Variants in XKR4 observed in about 807,000 individuals in gnomAD.
The protein encoded by XKR4 is XK-related protein 4.
Under a neutral mutation model 53.9 loss-of-function variants are expected in XKR4, and 12 were observed. The observed-to-expected ratio is 0.22, with a 90% CI of 0.14 to 0.36. The LOEUF (loss-of-function observed/expected upper bound fraction) is 0.36. XKR4 is among the 10% of genes least tolerant of loss of function. The pLI is 1.00. For synonymous variants in XKR4, 354 were observed against 362.4 expected (o/e 0.98, Z 0.26); for missense variants, 799 against 859.5 (o/e 0.93, Z 0.88).
intron 1 of XKR4, among the ~76,000 whole-genome samples, chr8:55,178,962 T>C (rs925898219): frequency 6.6e-6 from 1 of 152,158 alleles, no homozygotes; most frequent in South Asian, 2.1e-4. Context: ...TGGTGGGGTA[T>C]GGCATAGTTA....
chr8:55,144,466 C>A (rs765265997), intron 1 of XKR4, among the ~76,000 whole-genome samples: 17 of 152,080 alleles, frequency 1.1e-4, no homozygotes, highest in Non-Finnish European at 1.8e-4. Flanking sequence ...TTAAAGAGAG[C>A]CGTCTGCAGC....
At chr8:55,462,298 G>A (rs1029917689) in intron 2 of XKR4, among the ~76,000 whole-genome samples, 2 of 152,224 alleles carry the variant, frequency 1.3e-5, no homozygotes, top group African/African-American at 4.8e-5. Flanking sequence ...CTACAAACCA[G>A]AAGAGAGTGG....
intron 2 of XKR4, among the ~76,000 whole-genome samples, chr8:55,455,983 TCAA>T (rs1032187338): frequency 6.6e-6 from 1 of 152,194 alleles, no homozygotes; most frequent in Admixed American, 6.6e-5. Context: ...AATTACTTAA[TCAA>T]CAACAACATC....
chr8:55,396,668 G>A lies in XKR4; in HGVS notation c.1006+38791G>A, dbSNP rs552443383. Among the ~76,000 whole-genome samples, 15 of 152,202 alleles carry A rather than the reference G, an allele frequency of 9.9e-5. No homozygotes were observed. The South Asian group carries it at 1.2e-3, about 13-fold the overall frequency. On this transcript the variant is annotated intron_variant, in intron 2 of 2. Coordinates refer to ENST00000327381, the MANE Select transcript of XKR4 (RefSeq NM_052898.2). ...TGACTTTAGGACAGGGAGGTAAAGC[G>A]GAACTGGAAATATTTGTGTGGTGAT...
intron 1 of XKR4, among the ~76,000 whole-genome samples, chr8:55,341,840 C>G (rs114570086): frequency 1.7e-3 from 254 of 151,992 alleles, no homozygotes; most frequent in African/African-American, 5.9e-3. Flanking sequence ...AAGCATGGTG[C>G]CTTTTGAAGT....
At chr8:55,479,194 A>T (rs80177029) in intron 2 of XKR4, among the ~76,000 whole-genome samples, 62,430 of 151,866 alleles carry the variant, frequency 0.41, 13,452 homozygotes, top group East Asian at 0.54. Flanking sequence ...ATTATAACAA[A>T]CTGTCTCTCA....
chr8:55,481,364 T>A (rs1476369910), intron 2 of XKR4, among the ~76,000 whole-genome samples: 1 of 151,834 alleles, frequency 6.6e-6, no homozygotes, highest in Admixed American at 6.6e-5. Context: ...TGAAACTGGA[T>A]CCCTTCCTTA....
intron 2 of XKR4, chr8:55,517,729 G>C (rs1201633937): frequency 6.6e-6 from 1 of 152,262 alleles, no homozygotes; most frequent in Admixed American, 6.5e-5. Context: ...GAGCTGCCAG[G>C]TCGGGCCTTC....
intron 1 of XKR4, among the ~76,000 whole-genome samples, chr8:55,264,184 G>T (rs1001476143): frequency 7.2e-5 from 11 of 152,154 alleles, no homozygotes; most frequent in African/African-American, 2.7e-4. Context: ...TCCCCTGCAT[G>T]TCATCCCAGC....
intron 1 of XKR4, among the ~76,000 whole-genome samples, chr8:55,169,853 G>A (rs1380337036): frequency 6.6e-6 from 1 of 152,200 alleles, no homozygotes; most frequent in Non-Finnish European, 1.5e-5. Context: ...AACTAGAAAG[G>A]AGTCATCGTG....
At position 55,533,999 on chromosome 8, in the gene XKR4, G is replaced by T. The variant is rs183670088; in HGVS notation, c.*9772G>T. 2.0e-5 allele frequency: 3 copies of T among 152,258 alleles called. No individual in the cohort carries two copies. The highest frequency in any genetic ancestry group is 7.2e-5 in the African/African-American group (3 of 41,540). 9.4% of individuals were successfully genotyped at this position (152,258 alleles called of 1,614,324 possible). The stretch of plus-strand genomic sequence containing the variant: ...GGGGGCTTGCATAGCTCAGAGAACG[G>T]AGTACTGGGTCGTGGAGACTTGCTT... On this transcript the variant is annotated 3_prime_UTR_variant, in exon 3 of 3. Transcript: ENST00000327381.
chr8:55,158,076 C>A lies in XKR4; in HGVS notation c.806+54782C>A, dbSNP rs1816933817. Among the ~76,000 whole-genome samples, 3 of 152,294 alleles carry A rather than the reference C, an allele frequency of 2.0e-5. No homozygotes were observed. The South Asian group carries it at 6.2e-4, about 32-fold the overall frequency. ...TTGAATGGTAATTCTGTTTTAAGTT[C>A]TTTGAGAAATCACCCAACTGCTCTC... is the stretch of plus-strand genomic sequence containing the variant. On this transcript the variant is annotated intron_variant, in intron 1 of 2. Transcript: ENST00000327381.
intron 2 of XKR4, among the ~76,000 whole-genome samples, chr8:55,504,470 C>T (rs546128250): frequency 6.6e-6 from 1 of 152,166 alleles, no homozygotes; most frequent in South Asian, 2.1e-4. Context: ...CCACCTCAGC[C>T]TCCCAAAGTG....
rs532808234 is a variant in XKR4 at position 55,179,290 on chromosome 8, T to G, written c.806+75996T>G. Among the ~76,000 whole-genome samples the G allele has an allele frequency of 5.5e-5, 7 of 127,664 alleles. No individual in the cohort carries two copies. The East Asian group carries it at 1.7e-3, about 31-fold the overall frequency. The allele number at this position is 127,664 out of a possible 152,430, so 83.8% of individuals were successfully genotyped here. The stretch of plus-strand genomic sequence containing the variant: ...TCCAATGACAGGAGCATGACAACAT[T>G]CCACCTATTCATTCACTCACTCATC... On this transcript the variant is annotated intron_variant, in intron 1 of 2. Coordinates refer to ENST00000327381, the MANE Select transcript of XKR4 (RefSeq NM_052898.2).
chr8:55,388,767 A>G (rs1198948337), intron 2 of XKR4, among the ~76,000 whole-genome samples: 1 of 152,238 alleles, frequency 6.6e-6, no homozygotes, highest in Non-Finnish European at 1.5e-5. Context: ...CATCCAACTC[A>G]TAGGACAATT....
chr8:55,205,898 G>C (rs534750519), intron 1 of XKR4, among the ~76,000 whole-genome samples: 1 of 152,276 alleles, frequency 6.6e-6, no homozygotes, highest in African/African-American at 2.4e-5. Context: ...TCCAGAGTTT[G>C]TTCCTTCAGA....
At chr8:55,405,289 G>A (rs1799242048) in intron 2 of XKR4, among the ~76,000 whole-genome samples, 1 of 152,182 alleles carries the variant, frequency 6.6e-6, no homozygotes. Flanking sequence ...CCAGAGAGAG[G>A]ACATGGAAAT....
intron 1 of XKR4, among the ~76,000 whole-genome samples, chr8:55,224,912 G>T (rs916660780): frequency 1.3e-5 from 2 of 152,076 alleles, no homozygotes; most frequent in Non-Finnish European, 2.9e-5. Context: ...AGCACTAAAG[G>T]GGTTAAAAGA....
In XKR4 at chr8:55,524,187, C is replaced by G; in HGVS notation, c.1913C>G (p.Ala638Gly). 6.2e-7 allele frequency: 1 copy of G among 1,614,130 alleles called. No individual in the cohort carries two copies. The highest frequency in any genetic ancestry group is 8.5e-7 in the Non-Finnish European group (1 of 1,180,012). Residue 638 changes from alanine to glycine, a missense_variant, in exon 3 of 3, where the codon GCC (alanine) becomes GGC (glycine). Coordinates refer to ENST00000327381, the MANE Select transcript of XKR4 (RefSeq NM_052898.2). ...CCAAGGCTGCAGTACAAAGATGATG[C>G]CCTTATTCAGGAGCGGTTGGAGTAC... ...SPPRLQYKDDALIQERLEYET... is the reference protein window; with the variant it reads ...SPPRLQYKDDGLIQERLEYET...
Sources: allele counts gnomAD v4.1 joint callset (sites outside exome capture counted in the v4.1 genomes callset), GRCh38; gene constraint gnomAD v4.1.1; transcripts MANE v1.5; gene names NCBI Gene and HGNC (gene_info 2026-07-23, HGNC 2026-07-21).